Variants in AGAP1 observed in about 807,000 individuals in gnomAD.
AGAP1 encodes arf-GAP with GTPase, ANK repeat and PH domain-containing protein 1.
In AGAP1, 29 loss-of-function variants were observed where a neutral mutation model predicts 105.3. The ratio of observed to expected loss-of-function variants is 0.28; its 90% CI spans 0.21 to 0.38. The LOEUF (loss-of-function observed/expected upper bound fraction) is 0.38, where lower values mean the gene tolerates loss of function less well. AGAP1 is among the 10% of genes least tolerant of loss of function. The pLI, the probability that AGAP1 is intolerant of heterozygous loss-of-function variation, is 1.00. For synonymous variants in AGAP1, 509 were observed against 485.9 expected (o/e 1.05, Z -0.63); for missense variants, 998 against 1,165.1 (o/e 0.86, Z 2.09).
intron 1 of AGAP1, among the ~76,000 whole-genome samples, chr2:235,693,797 C>T (rs544727891): frequency 6.6e-6 from 1 of 152,154 alleles, no homozygotes; most frequent in Non-Finnish European, 1.5e-5. Context: ...CTTTTATTCC[C>T]ACTGAAAAAA....
In AGAP1 at chr2:236,000,632, G is replaced by A. The variant is rs930771054; in HGVS notation, c.1645+32009G>A. Among the ~76,000 whole-genome samples the A allele has an allele frequency of 7.9e-5, 12 of 152,186 alleles. No individual in the cohort carries two copies. Among genetic ancestry groups the A allele is most frequent in the African/African-American group, 1.9e-4 (8 of 41,438 alleles). On this transcript the variant is annotated intron_variant, in intron 13 of 17. Transcript: ENST00000304032. This position sits in a 1 kb window ranked among gnomAD's most constrained non-coding sequence, Gnocchi z 4.3. ...CTTAAGCAGGATGGGCATGGACATC[G>A]TTGGCACTCACTTCCCTGCAGGGAG...
chr2:236,034,212 C>A (rs1368391093), intron 13 of AGAP1, among the ~76,000 whole-genome samples: 1 of 152,088 alleles, frequency 6.6e-6, no homozygotes, highest in Non-Finnish European at 1.5e-5. Flanking sequence ...TGGACCAAGA[C>A]CCACAGATGC....
intron 1 of AGAP1, among the ~76,000 whole-genome samples, chr2:235,558,100 C>T (rs1190702793): frequency 1.3e-5 from 2 of 152,156 alleles, no homozygotes; most frequent in African/African-American, 2.4e-5. Context: ...AGGAGGCTGG[C>T]GGCCTTCCCT....
At chr2:235,807,212 G>C in intron 8 of AGAP1, 27 bp from the exon 9 acceptor site, 1 of 1,607,070 alleles carries the variant, frequency 6.2e-7, no homozygotes, top group Non-Finnish European at 8.5e-7. Context: ...CCCTTACCCA[G>C]ATGCCAACTT....
In AGAP1 at chr2:235,665,211, C is replaced by A. The variant is rs1415267063; in HGVS notation, c.164-43968C>A. ...TAGCCTGTCTGTGTGGTGGTGTGTTCATACACAATAGACATCGCCAGTGTT... is the reference window on the plus strand; with the variant it reads ...TAGCCTGTCTGTGTGGTGGTGTGTTAATACACAATAGACATCGCCAGTGTT... On this transcript the variant is annotated intron_variant, in intron 1 of 17. Coordinates refer to ENST00000304032, the MANE Select transcript of AGAP1 (RefSeq NM_001037131.3). The surrounding 1 kb of genome is among the most constrained non-coding windows in gnomAD (Gnocchi z 5.3). 6.6e-6 allele frequency among the ~76,000 whole-genome samples: 1 copy of A among 152,164 alleles called. No individual in the cohort carries two copies.
chr2:235,947,303 TTA>T (rs879282873), intron 12 of AGAP1, among the ~76,000 whole-genome samples: 3 of 152,180 alleles, frequency 2.0e-5, no homozygotes, highest in Non-Finnish European at 4.4e-5. Context: ...TAGCTCCCAC[TTA>T]TGAGTCAGAG....
chr2:235,562,271 A>G (rs950187791), intron 1 of AGAP1, among the ~76,000 whole-genome samples: 3 of 151,754 alleles, frequency 2.0e-5, no homozygotes, highest in East Asian at 3.9e-4. Context: ...ACATATTATG[A>G]CTGCAATCAA....
At chr2:235,871,684 AATG>A (rs1442764063) in intron 9 of AGAP1, among the ~76,000 whole-genome samples, 2 of 152,206 alleles carry the variant, frequency 1.3e-5, no homozygotes, top group African/African-American at 4.8e-5. Context: ...GGTTTAAGAA[AATG>A]ATCATTTGAC....
intron 16 of AGAP1, among the ~76,000 whole-genome samples, chr2:236,059,203 G>A (rs942729847): frequency 2.0e-5 from 3 of 151,390 alleles, no homozygotes; most frequent in African/African-American, 7.3e-5. Flanking sequence ...CTGTACACTA[G>A]CAGTGGACAA....
At chr2:235,605,106 G>A (rs1410330622) in intron 1 of AGAP1, among the ~76,000 whole-genome samples, 1 of 151,924 alleles carries the variant, frequency 6.6e-6, no homozygotes, top group Non-Finnish European at 1.5e-5. Flanking sequence ...TCAAACTCCT[G>A]ACCTCAAGCG....
intron 13 of AGAP1, among the ~76,000 whole-genome samples, chr2:236,023,433 A>G (rs2056948088): frequency 6.6e-6 from 1 of 152,230 alleles, no homozygotes. Context: ...CAGTTCAGAC[A>G]GAAACTGGGA....
chr2:235,767,357 T>C (rs1575395463), intron 6 of AGAP1, among the ~76,000 whole-genome samples: 1 of 152,226 alleles, frequency 6.6e-6, no homozygotes, highest in Non-Finnish European at 1.5e-5. Flanking sequence ...GGGAGGCAGG[T>C]TGGGCGCAGG....
rs1338145442 is a variant in AGAP1, at chr2:235,971,099, T to C, written c.1645+2476T>C. On this transcript the variant is annotated intron_variant, in intron 13 of 17. Transcript: ENST00000304032. The surrounding 1 kb of genome is among the most constrained non-coding windows in gnomAD (Gnocchi z 4.8). The stretch of plus-strand genomic sequence containing the variant: ...AGGTTCCAAGGGAGCCACCTCACTC[T>C]CTAATTAGGAGAGTCTGGTCTCTAC... Among the ~76,000 whole-genome samples, 1 of 152,222 alleles carries C rather than the reference T, an allele frequency of 6.6e-6. No homozygotes were observed. Among genetic ancestry groups the C allele is most frequent in the Non-Finnish European group, 1.5e-5 (1 of 68,030 alleles).
rs549435568 is a variant in AGAP1, at chr2:235,655,893, G to A, written c.164-53286G>A. Among the ~76,000 whole-genome samples, 4 of 152,312 alleles carry A rather than the reference G, an allele frequency of 2.6e-5. No individual in the cohort carries two copies. The highest frequency in any genetic ancestry group is 9.6e-5 in the African/African-American group (4 of 41,562). On this transcript the variant is annotated intron_variant, in intron 1 of 17. Transcript: ENST00000304032. This position sits in a 1 kb window ranked among gnomAD's most constrained non-coding sequence, Gnocchi z 4.3. ...AATCTTTGTTGGAATATGACCCTGGGTTTTGTATGGAAAAGGGAGGGGGCA... is the reference window on the plus strand; with the variant it reads ...AATCTTTGTTGGAATATGACCCTGGATTTTGTATGGAAAAGGGAGGGGGCA...
intron 3 of AGAP1, among the ~76,000 whole-genome samples, chr2:235,731,659 C>T (rs180704823): frequency 1.3e-5 from 2 of 152,264 alleles, no homozygotes; most frequent in African/African-American, 4.8e-5. Context: ...GTATAGTCAT[C>T]ATCGTAATGT....
chr2:235,630,206 A>G (rs1185480664), intron 1 of AGAP1, among the ~76,000 whole-genome samples: 6 of 152,120 alleles, frequency 3.9e-5, no homozygotes, highest in East Asian at 1.9e-4. Context: ...AATTCCTCCT[A>G]AACGTCTTTC....
chr2:236,107,469 A>C (rs1202266241), intron 16 of AGAP1, among the ~76,000 whole-genome samples: 1 of 152,166 alleles, frequency 6.6e-6, no homozygotes, highest in Non-Finnish European at 1.5e-5. Context: ...AGGTTGCCTC[A>C]AGACTCTGGA....
rs762951203 is a variant in AGAP1, at chr2:235,866,413, G to A, written c.1051-16932G>A. On this transcript the variant is annotated intron_variant, in intron 9 of 17. Transcript: ENST00000304032. The surrounding 1 kb of genome is among the most constrained non-coding windows in gnomAD (Gnocchi z 6.1). ...ATACTCGGGGGAGTGTGTCCAGTACGGAATGGGAATTGAGACTCCAGCAAG... is the reference window on the plus strand; with the variant it reads ...ATACTCGGGGGAGTGTGTCCAGTACAGAATGGGAATTGAGACTCCAGCAAG... Among the ~76,000 whole-genome samples the A allele has an allele frequency of 1.9e-4, 29 of 152,098 alleles. No homozygotes were observed. The highest frequency in any genetic ancestry group is 2.8e-4 in the Non-Finnish European group (19 of 68,026).
intron 6 of AGAP1, among the ~76,000 whole-genome samples, chr2:235,778,831 T>G (rs1380499716): frequency 6.6e-6 from 1 of 152,176 alleles, no homozygotes; most frequent in Non-Finnish European, 1.5e-5. Context: ...GACCCTCATA[T>G]TAGGGATGCC....
Sources: gnomAD v4.1 joint callset for allele counts (sites outside exome capture counted in the v4.1 genomes callset) on GRCh38, gnomAD v4.1.1 for gene constraint, Gnocchi (gnomAD v3.1) non-coding constraint, MANE v1.5 for transcripts, NCBI Gene and HGNC (gene_info 2026-07-23, HGNC 2026-07-21) for gene names.